The following PITPNC1 variants were observed in gnomAD, a reference collection of about 807,000 sequenced individuals.
The protein encoded by PITPNC1 is phosphatidylinositol transfer protein cytoplasmic 1, also known as cytoplasmic phosphatidylinositol transfer protein 1.
In PITPNC1, 18 loss-of-function variants were observed where a neutral mutation model predicts 44.7. The observed-to-expected ratio is 0.40, with a 90% confidence interval of 0.28 to 0.60. The LOEUF is 0.60. PITPNC1 is among the 20% of genes least tolerant of loss of function. PITPNC1 has a pLI of 0.39. For synonymous variants in PITPNC1, 141 were observed against 149.6 expected, an observed-to-expected ratio of 0.94 and a Z score of 0.42; for missense variants, 290 against 418.4, an observed-to-expected ratio of 0.69 and a Z score of 2.68.
chr17:67,502,614 C>T (rs1041266136), intron 1 of PITPNC1, among the ~76,000 whole-genome samples: 10 of 152,092 alleles, frequency 6.6e-5, no homozygotes, highest in Non-Finnish European at 1.2e-4. Flanking sequence ...GTTTGTCATT[C>T]CTGGCCTTAC....
intron 1 of PITPNC1, among the ~76,000 whole-genome samples, chr17:67,510,096 G>A (rs1454579507): frequency 6.6e-6 from 1 of 152,196 alleles, no homozygotes; most frequent in Non-Finnish European, 1.5e-5. Context: ...TCTAAGTGCT[G>A]AAACACTTGA....
intron 4 of PITPNC1, among the ~76,000 whole-genome samples, chr17:67,572,471 G>GGT (rs1555668916): frequency 1.8e-5 from 2 of 109,760 alleles, no homozygotes; most frequent in African/African-American, 3.6e-5. Flanking sequence ...GGTAAAGCGG[G>GGT]GGGGGGGGGT....
chr17:67,468,336 A>C (rs1287857602), intron 1 of PITPNC1, among the ~76,000 whole-genome samples: 2 of 151,696 alleles, frequency 1.3e-5, no homozygotes, highest in Non-Finnish European at 2.9e-5. Flanking sequence ...CATCAGGGAC[A>C]GATTTGGGAG....
intron 1 of PITPNC1, among the ~76,000 whole-genome samples, chr17:67,528,405 T>G (rs1318858413): frequency 1.3e-5 from 2 of 152,250 alleles, no homozygotes; most frequent in Non-Finnish European, 2.9e-5. Flanking sequence ...TGCCTTGCAC[T>G]AATGGGCAAT....
chr17:67,539,348 G>A (rs1238111634), intron 2 of PITPNC1, among the ~76,000 whole-genome samples: 1 of 152,136 alleles, frequency 6.6e-6, no homozygotes, highest in Admixed American at 6.5e-5. Flanking sequence ...TGTACACAAG[G>A]AGACATTTAC....
At chr17:67,650,632 G>A (rs2042199906) in intron 6 of PITPNC1, among the ~76,000 whole-genome samples, 1 of 151,906 alleles carries the variant, frequency 6.6e-6, no homozygotes. Context: ...TGGATTTTTA[G>A]TAGAGACGGG....
At chr17:67,379,891 A>T (rs915565797) in intron 1 of PITPNC1, among the ~76,000 whole-genome samples, 2 of 152,146 alleles carry the variant, frequency 1.3e-5, no homozygotes, top group Admixed American at 1.3e-4. Context: ...AATCTTCTCT[A>T]CTAACTACAA....
chr17:67,562,418 C>A (rs1449848973), intron 4 of PITPNC1, among the ~76,000 whole-genome samples: 1 of 152,096 alleles, frequency 6.6e-6, no homozygotes, highest in African/African-American at 2.4e-5. Flanking sequence ...TCCCACCATT[C>A]CTCTTGGCCA....
At chr17:67,437,197 G>A (rs1201299414) in intron 1 of PITPNC1, among the ~76,000 whole-genome samples, 1 of 152,064 alleles carries the variant, frequency 6.6e-6, no homozygotes, top group Non-Finnish European at 1.5e-5. Context: ...TGGGATTACA[G>A]GTGTGAGCCA....
intron 1 of PITPNC1, among the ~76,000 whole-genome samples, chr17:67,402,494 C>G (rs1033381209): frequency 6.6e-6 from 1 of 151,986 alleles, no homozygotes; most frequent in Non-Finnish European, 1.5e-5. Flanking sequence ...GTCTTCTCCA[C>G]CCCCCATCCC....
At chr17:67,473,347 G>C (rs2039576213) in intron 1 of PITPNC1, among the ~76,000 whole-genome samples, 1 of 149,186 alleles carries the variant, frequency 6.7e-6, no homozygotes, top group Non-Finnish European at 1.5e-5. Flanking sequence ...TTGTTTTTTT[G>C]AGACAGAGTC....
intron 1 of PITPNC1, among the ~76,000 whole-genome samples, chr17:67,406,818 C>T (rs1036994587): frequency 1.2e-4 from 18 of 152,084 alleles, no homozygotes; most frequent in African/African-American, 4.3e-4. Context: ...AGCTCCTGGC[C>T]TCAGGTGATC....
intron 5 of PITPNC1, among the ~76,000 whole-genome samples, chr17:67,605,540 A>G (rs2041597506): frequency 6.6e-6 from 1 of 152,210 alleles, no homozygotes; most frequent in South Asian, 2.1e-4. Flanking sequence ...TGAAGATTTT[A>G]GCTGGGGGAA....
intron 1 of PITPNC1, among the ~76,000 whole-genome samples, chr17:67,509,033 A>G (rs2040143594): frequency 6.6e-6 from 1 of 151,992 alleles, no homozygotes; most frequent in African/African-American, 2.4e-5. Context: ...CAGGAGTTCG[A>G]GACCAGCCTG....
rs576702628 is a variant in PITPNC1 at position 67,517,310 on chromosome 17, T to C, written c.49-15492T>C. ...TGGCTTTCTTGTTGCTGTACATAACTTAAAACTATCAAAAGAAAATATGAG... is the reference window on the plus strand; with the variant it reads ...TGGCTTTCTTGTTGCTGTACATAACCTAAAACTATCAAAAGAAAATATGAG... On this transcript the variant is annotated intron_variant, in intron 1 of 8. Transcript: ENST00000581322. 2.6e-5 allele frequency among the ~76,000 whole-genome samples: 4 copies of C among 152,356 alleles called. No homozygotes were observed. In the East Asian group the frequency reaches 7.7e-4, roughly 29 times the overall value.
At chr17:67,428,880 A>C (rs1205064259) in intron 1 of PITPNC1, among the ~76,000 whole-genome samples, 1 of 119,782 alleles carries the variant, frequency 8.3e-6, no homozygotes, top group Non-Finnish European at 1.6e-5. Flanking sequence ...TCGCTCTGTC[A>C]CCCAGGCTAA....
chr17:67,403,168 AG>A (rs1299342076), intron 1 of PITPNC1, among the ~76,000 whole-genome samples: 2 of 136,552 alleles, frequency 1.5e-5, no homozygotes, highest in African/African-American at 2.7e-5. Context: ...GGATTGCTTT[AG>A]TCCAGGAGTT....
intron 1 of PITPNC1, among the ~76,000 whole-genome samples, chr17:67,452,481 CT>C (rs1301460363): frequency 4.7e-5 from 7 of 149,554 alleles, no homozygotes; most frequent in African/African-American, 1.5e-4. Context: ...TTTCGTTCCT[CT>C]TGGGAAGATA....
intron 1 of PITPNC1, among the ~76,000 whole-genome samples, chr17:67,458,574 T>C (rs900387126): frequency 1.3e-5 from 2 of 152,186 alleles, no homozygotes; most frequent in African/African-American, 4.8e-5. Context: ...AGGGTTTTAG[T>C]TTCTCATTTT....
Sources: gnomAD v4.1 joint callset for allele counts (sites outside exome capture counted in the v4.1 genomes callset) on GRCh38, gnomAD v4.1.1 for gene constraint, MANE v1.5 for transcripts, NCBI Gene and HGNC (gene_info 2026-07-23, HGNC 2026-07-21) for gene names.